PDE10A: variants seen among roughly 807,000 people sequenced by gnomAD.
The protein encoded by PDE10A is phosphodiesterase 10A, also known as cAMP and cAMP-inhibited cGMP 3',5'-cyclic phosphodiesterase 10A.
In PDE10A, 39 loss-of-function variants were observed where a neutral mutation model predicts 97.7. The ratio of observed to expected loss-of-function variants is 0.40; its 90% CI spans 0.31 to 0.52. The LOEUF is 0.52. PDE10A is among the 20% of genes least tolerant of loss of function. The pLI is 0.56. For synonymous variants in PDE10A, 371 were observed against 376.8 expected (o/e 0.98, Z 0.18); for missense variants, 731 against 1,047.8 (o/e 0.70, Z 4.17).
intron 18 of PDE10A, among the ~76,000 whole-genome samples, chr6:165,352,916 C>T (rs575092): frequency 0.47 from 71,022 of 151,812 alleles, 17,485 homozygotes; most frequent in African/African-American, 0.63. Flanking sequence ...AGCCACAGAC[C>T]GAGAGAAAAC....
intron 8 of PDE10A, 52 bp downstream of exon 8, chr6:165,431,370 A>G: frequency 7.8e-7 from 1 of 1,286,356 alleles, no homozygotes; most frequent in Non-Finnish European, 1.1e-6. Flanking sequence ...GCCTCACTCC[A>G]AAAACCTCTT....
intron 18 of PDE10A, among the ~76,000 whole-genome samples, chr6:165,364,925 C>T (rs1017630526): frequency 4.6e-5 from 7 of 151,964 alleles, no homozygotes; most frequent in African/African-American, 1.7e-4. Flanking sequence ...AAAAGTACTT[C>T]ATCAAAACTT....
At chr6:165,847,981 T>A (rs886523328) in intron 1 of PDE10A, among the ~76,000 whole-genome samples, 1 of 152,192 alleles carries the variant, frequency 6.6e-6, no homozygotes, top group Non-Finnish European at 1.5e-5. Flanking sequence ...TCAGAAGGGA[T>A]GTACAGTGCC....
intron 1 of PDE10A, among the ~76,000 whole-genome samples, chr6:165,767,402 C>G (rs1304366871): frequency 6.6e-6 from 1 of 152,118 alleles, no homozygotes; most frequent in Non-Finnish European, 1.5e-5. Flanking sequence ...TTTTCATAAC[C>G]CGCAAGGGGA....
intron 3 of PDE10A, among the ~76,000 whole-genome samples, chr6:165,478,858 C>T (rs221732): frequency 0.7 from 105,696 of 152,022 alleles, 37,270 homozygotes; most frequent in African/African-American, 0.8. Context: ...TTCCAGGTCT[C>T]TGATAATAAC....
At chr6:165,783,958 G>A (rs192564093) in intron 1 of PDE10A, among the ~76,000 whole-genome samples, 170 of 152,228 alleles carry the variant, frequency 1.1e-3, no homozygotes, top group Non-Finnish European at 1.9e-3. Context: ...GGTGGCTCAC[G>A]CATGTAATCT....
At chr6:165,792,072 C>T (rs937839910) in intron 1 of PDE10A, among the ~76,000 whole-genome samples, 30 of 152,282 alleles carry the variant, frequency 2.0e-4, no homozygotes, top group Admixed American at 1.6e-3. Flanking sequence ...GGCTCCTGCC[C>T]GACGTTGTGG....
intron 3 of PDE10A, among the ~76,000 whole-genome samples, chr6:165,482,046 A>C (rs1483640168): frequency 6.6e-6 from 1 of 152,146 alleles, no homozygotes; most frequent in Non-Finnish European, 1.5e-5. Flanking sequence ...ACAGTGTCTC[A>C]ATTTCTAAAT....
chr6:165,684,517 T>C (rs1791062953), intron 1 of PDE10A, among the ~76,000 whole-genome samples: 1 of 152,246 alleles, frequency 6.6e-6, no homozygotes, highest in African/African-American at 2.4e-5. Flanking sequence ...ATCACTGCTA[T>C]GTGAGTTGCA....
At chr6:165,549,142 G>A (rs1415432299) in intron 1 of PDE10A, among the ~76,000 whole-genome samples, 1 of 152,108 alleles carries the variant, frequency 6.6e-6, no homozygotes, top group Non-Finnish European at 1.5e-5. Context: ...CAGACATAGA[G>A]TCGTACTCTT....
rs139427671 is a variant in PDE10A at position 165,536,532 on chromosome 6, T to TCTG, written c.994+6905_994+6907dup. Among the ~76,000 whole-genome samples the TCTG allele has an allele frequency of 6.5e-3, 977 of 151,352 alleles. 8 individuals are homozygous for TCTG. The highest frequency in any genetic ancestry group is 0.023 in the African/African-American group (929 of 41,254). On this transcript the variant is annotated intron_variant, in intron 2 of 21. Coordinates refer to ENST00000539869, the MANE Select transcript of PDE10A (RefSeq NM_001385079.1). ...ACAACCTACAGAATAGGAGAAAATA[T>TCTG]CTGCTAACTATTCAACTGACAAAAA...
Position 165,961,543 on chromosome 6 carries a change from C to T in PDE10A, c.-615+25986G>A, listed in dbSNP as rs141328847. 2.9e-3 allele frequency among the ~76,000 whole-genome samples: 436 copies of T among 152,300 alleles called. 1 individual carries two copies. The highest frequency in any genetic ancestry group is 4.7e-3 in the Non-Finnish European group (317 of 68,028). On this transcript the variant is annotated intron_variant, in intron 1 of 19. Coordinates refer to the PDE10A transcript ENST00000366882. ...GAAAATGCTTTACCCATGACGTCAG[C>T]GAGGGCTCCACAACCAACAAGCCTC...
chr6:165,673,044 C>T (rs1029186316), intron 1 of PDE10A, among the ~76,000 whole-genome samples: 2 of 152,046 alleles, frequency 1.3e-5, no homozygotes, highest in Admixed American at 6.6e-5. Context: ...GAGCCCACAC[C>T]ACTCCTAGCA....
At chr6:165,951,993 G>A (rs1224625043) in intron 1 of PDE10A, among the ~76,000 whole-genome samples, 1 of 152,212 alleles carries the variant, frequency 6.6e-6, no homozygotes, top group Non-Finnish European at 1.5e-5. Flanking sequence ...TGCCAGGGGA[G>A]GTAAGTACTT....
intron 1 of PDE10A, chr6:165,660,606 T>TGAGCCC (rs1223044685): frequency 6.6e-6 from 1 of 152,446 alleles, no homozygotes; most frequent in Non-Finnish European, 1.5e-5. Context: ...GAGCGGGCGG[T>TGAGCCC]GAGCCCGGAG....
chr6:165,494,120 G>T (rs901294924), intron 2 of PDE10A, among the ~76,000 whole-genome samples: 2 of 151,940 alleles, frequency 1.3e-5, no homozygotes, highest in African/African-American at 4.8e-5. Context: ...ACAATGAGAT[G>T]CCACCTTACT....
chr6:165,961,934 G>T (rs538262988), intron 1 of PDE10A, among the ~76,000 whole-genome samples: 2 of 152,202 alleles, frequency 1.3e-5, no homozygotes, highest in Non-Finnish European at 2.9e-5. Flanking sequence ...ACCAACTGGC[G>T]TGACTTTTGT....
intron 1 of PDE10A, among the ~76,000 whole-genome samples, chr6:165,841,999 A>C (rs1307812081): frequency 1.3e-5 from 2 of 152,332 alleles, no homozygotes; most frequent in South Asian, 4.1e-4. Flanking sequence ...TTTAGAAAAA[A>C]ACTCTGATAG....
chr6:165,412,500 G>A (rs772494678), intron 13 of PDE10A, among the ~76,000 whole-genome samples: 1 of 152,128 alleles, frequency 6.6e-6, no homozygotes, highest in Non-Finnish European at 1.5e-5. Context: ...AATGTTTGAA[G>A]CAAAAGTGTT....
Sources: allele counts gnomAD v4.1 joint callset (sites outside exome capture counted in the v4.1 genomes callset), GRCh38; gene constraint gnomAD v4.1.1; transcripts MANE v1.5; gene names NCBI Gene and HGNC (gene_info 2026-07-23, HGNC 2026-07-21).